Variants in CPM observed in about 807,000 individuals in gnomAD.
CPM encodes renal carboxypeptidase.
A neutral mutation model predicts 46.4 loss-of-function variants in CPM; 35 were observed. The observed-to-expected ratio is 0.75, with a 90% confidence interval of 0.58 to 1.00. The LOEUF (loss-of-function observed/expected upper bound fraction) is 1.00. Among genes scored for constraint, CPM ranks in the 50% least tolerant of loss-of-function variants. The probability of loss-of-function intolerance (pLI) is 0.00; values close to 1 mark genes in which losing one functional copy is unlikely to be tolerated. For missense variants in CPM, 422 were observed against 530.4 expected (o/e 0.80, Z 2.01); for synonymous variants, 195 against 195.3 (o/e 1.00, Z 0.01).
chr12:68,861,182 G>A (rs1333104840), intron 7 of CPM, among the ~76,000 whole-genome samples: 5 of 152,082 alleles, frequency 3.3e-5, no homozygotes, highest in Non-Finnish European at 5.9e-5. Context: ...CACCAGGCCT[G>A]GCTTTCTTTC....
At chr12:68,955,148 C>G (rs889215577) in intron 1 of CPM, among the ~76,000 whole-genome samples, 1 of 152,192 alleles carries the variant, frequency 6.6e-6, no homozygotes, top group Non-Finnish European at 1.5e-5. Context: ...GTGGGCAGAA[C>G]GAGCCCAGGA....
chr12:68,905,824 T>C (rs1592681128), intron 2 of CPM, among the ~76,000 whole-genome samples: 1 of 152,190 alleles, frequency 6.6e-6, no homozygotes, highest in African/African-American at 2.4e-5. Context: ...AGAAAGTGAG[T>C]CCCTGTGTCC....
chr12:68,864,235 A>G (rs1358087186), intron 7 of CPM, among the ~76,000 whole-genome samples: 1 of 152,238 alleles, frequency 6.6e-6, no homozygotes, highest in Non-Finnish European at 1.5e-5. Context: ...ACCTGAGGTC[A>G]GGAGTTCAAG....
At chr12:68,944,691 T>C (rs764425727) in intron 1 of CPM, among the ~76,000 whole-genome samples, 1 of 151,274 alleles carries the variant, frequency 6.6e-6, no homozygotes, top group East Asian at 1.9e-4. Context: ...TGAGACACCA[T>C]GCCTGGCTCC....
chr12:68,844,776 T>G (rs1295198604), intron 5 of CPM: 1 of 202,774 alleles, frequency 4.9e-6, no homozygotes, highest in East Asian at 7.5e-5. Context: ...TTATTTTTAT[T>G]TATTTTTTGA....
chr12:68,917,220 G>A (rs887776432), intron 2 of CPM, among the ~76,000 whole-genome samples: 46 of 59,094 alleles, frequency 7.8e-4, no homozygotes, highest in African/African-American at 4.9e-3. Context: ...TCACCTGGCT[G>A]ATCTCTTATC....
At chr12:68,908,611 C>T (rs751860617) in intron 2 of CPM, among the ~76,000 whole-genome samples, 1 of 151,942 alleles carries the variant, frequency 6.6e-6, no homozygotes, top group African/African-American at 2.4e-5. Flanking sequence ...ACATACCACT[C>T]GATTCCCAAA....
intron 7 of CPM, among the ~76,000 whole-genome samples, chr12:68,859,447 T>C (rs1885115524): frequency 6.6e-6 from 1 of 152,194 alleles, no homozygotes; most frequent in South Asian, 2.1e-4. Flanking sequence ...GGTGTCAATG[T>C]ATTAGTTACA....
chr12:68,946,311 T>G (rs1269696454), intron 1 of CPM, among the ~76,000 whole-genome samples: 1 of 152,242 alleles, frequency 6.6e-6, no homozygotes, highest in Non-Finnish European at 1.5e-5. Context: ...CTAGGCCTAA[T>G]TGTTTGCATG....
At chr12:68,903,106 G>A (rs775954923) in intron 2 of CPM, among the ~76,000 whole-genome samples, 1 of 152,130 alleles carries the variant, frequency 6.6e-6, no homozygotes, top group Non-Finnish European at 1.5e-5. Flanking sequence ...GTTAACAAAC[G>A]TTGTTAACAA....
chr12:68,954,985 C>T (rs1212443582), intron 1 of CPM, among the ~76,000 whole-genome samples: 1 of 152,204 alleles, frequency 6.6e-6, no homozygotes, highest in Non-Finnish European at 1.5e-5. Flanking sequence ...AGCTGCCTGC[C>T]CTGCAGTAGC....
At position 68,962,210 on chromosome 12, in the gene CPM, A is replaced by AAAAAC. The variant is rs1555203345; in HGVS notation, c.-4+958_-4+959insGTTTT. The stretch of plus-strand genomic sequence containing the variant: ...GCGAGACTCCATCTCAAAAAAAAAA[A>AAAAAC]AAAAAAAACCAAGTGTGATAATACA... On this transcript the variant is annotated intron_variant, in intron 1 of 8. Coordinates refer to the CPM transcript ENST00000546373. Among the ~76,000 whole-genome samples the AAAAAC allele has an allele frequency of 2.4e-4, 35 of 146,044 alleles. No homozygotes were observed. The South Asian group carries it at 4.0e-3, about 17-fold the overall frequency.
intron 1 of CPM, among the ~76,000 whole-genome samples, chr12:68,962,013 A>C (rs891886056): frequency 6.6e-6 from 1 of 152,042 alleles, no homozygotes; most frequent in African/African-American, 2.4e-5. Context: ...ATCCTGGCTA[A>C]CGCGGTGAAA....
chr12:68,887,676 C>G (rs1886488723), intron 2 of CPM, among the ~76,000 whole-genome samples: 1 of 152,294 alleles, frequency 6.6e-6, no homozygotes, highest in Admixed American at 6.5e-5. Flanking sequence ...AAGCCACATG[C>G]TCTATGCCCA....
At chr12:68,955,641 T>C (rs1322551051) in intron 1 of CPM, among the ~76,000 whole-genome samples, 1 of 152,088 alleles carries the variant, frequency 6.6e-6, no homozygotes, top group Non-Finnish European at 1.5e-5. Flanking sequence ...AGAGAGGAGC[T>C]TCACTGAGCA....
chr12:68,959,743 G>A (rs755467421), intron 1 of CPM, among the ~76,000 whole-genome samples: 1 of 152,210 alleles, frequency 6.6e-6, no homozygotes, highest in Non-Finnish European at 1.5e-5. Flanking sequence ...TTAGGAATAA[G>A]GAAGAAGTGA....
chr12:68,916,277 T>C (rs949948784), intron 2 of CPM, among the ~76,000 whole-genome samples: 4 of 152,176 alleles, frequency 2.6e-5, no homozygotes, highest in South Asian at 2.1e-4. Context: ...GTCTCCAAAA[T>C]TGCTGATTAA....
chr12:68,869,244 C>T, intron 6 of CPM, 81 bp downstream of exon 6: 1 of 1,373,492 alleles, frequency 7.3e-7, no homozygotes, highest in Admixed American at 2.2e-5. Context: ...GTTCTTTTAA[C>T]AACTGCTGGA....
chr12:68,931,424 T>C (rs933458699), intron 2 of CPM, among the ~76,000 whole-genome samples: 3 of 152,084 alleles, frequency 2.0e-5, no homozygotes, highest in South Asian at 2.1e-4. Flanking sequence ...TTTGGGAACA[T>C]CAGGATAATA....
Sources: allele counts gnomAD v4.1 joint callset (sites outside exome capture counted in the v4.1 genomes callset), GRCh38; gene constraint gnomAD v4.1.1; transcripts MANE v1.5; gene names NCBI Gene and HGNC (gene_info 2026-07-23, HGNC 2026-07-21).